PPARGC1A: variants seen among roughly 807,000 people sequenced by gnomAD.
PPARGC1A encodes the protein peroxisome proliferator-activated receptor gamma coactivator 1-alpha.
PPARGC1A carries 25 observed loss-of-function variants against 88.7 expected under a neutral mutation model. That is an observed-to-expected ratio of 0.28 (90% CI 0.21 to 0.39). The LOEUF is 0.39. Among genes scored for constraint, PPARGC1A ranks in the 10% least tolerant of loss-of-function variants. The probability of loss-of-function intolerance (pLI) is 1.00; values close to 1 mark genes in which losing one functional copy is unlikely to be tolerated. For missense variants in PPARGC1A, 880 were observed against 968.7 expected, an observed-to-expected ratio of 0.91 and a Z score of 1.22; for synonymous variants, 363 against 355.6, an observed-to-expected ratio of 1.02 and a Z score of -0.24.
At chr4:24,121,504 GAGA>G in the PPARGC1A span, among the ~76,000 whole-genome samples, 3 of 152,058 alleles carry the variant, frequency 2.0e-5, no homozygotes, top group Non-Finnish European at 4.4e-5. Flanking sequence ...CACTGAATGA[GAGA>G]AGCTGATCAA....
At chr4:23,965,109 T>C in the PPARGC1A span, among the ~76,000 whole-genome samples, 1 of 152,174 alleles carries the variant, frequency 6.6e-6, no homozygotes, top group Non-Finnish European at 1.5e-5. Context: ...CCCCCGTATC[T>C]GACCACTAAG....
At chr4:24,153,601 C>T in the PPARGC1A span, among the ~76,000 whole-genome samples, 2 of 152,086 alleles carry the variant, frequency 1.3e-5, no homozygotes, top group African/African-American at 2.4e-5. Flanking sequence ...ATTTTTCTGC[C>T]GTTTATTAAC....
the PPARGC1A span, among the ~76,000 whole-genome samples, chr4:24,051,357 A>T: frequency 2.0e-5 from 3 of 152,172 alleles, no homozygotes; most frequent in African/African-American, 4.8e-5. Flanking sequence ...AATGAAACAC[A>T]TTTTAAAAAA....
the PPARGC1A span, among the ~76,000 whole-genome samples, chr4:24,408,077 C>T: frequency 3.3e-3 from 498 of 152,238 alleles, 3 homozygotes; most frequent in African/African-American, 0.011. Flanking sequence ...CACACCACCA[C>T]CCACAAAGTG....
chr4:23,986,420 G>GT, the PPARGC1A span, among the ~76,000 whole-genome samples: 1 of 152,038 alleles, frequency 6.6e-6, no homozygotes, highest in African/African-American at 2.4e-5. Context: ...TCAGTTAAAA[G>GT]TAAGAGTTAA....
the PPARGC1A span, among the ~76,000 whole-genome samples, chr4:24,436,056 A>C: frequency 6.6e-6 from 1 of 152,200 alleles, no homozygotes; most frequent in Non-Finnish European, 1.5e-5. Context: ...GTCACTCCTC[A>C]ACCACTATTC....
chr4:24,155,592 C>A, the PPARGC1A span, among the ~76,000 whole-genome samples: 29 of 128,758 alleles, frequency 2.3e-4, no homozygotes, highest in African/African-American at 8.2e-4. Flanking sequence ...TACAACAAAA[C>A]CCTGTCAAAA....
At chr4:24,363,295 A>G in the PPARGC1A span, among the ~76,000 whole-genome samples, 1 of 152,208 alleles carries the variant, frequency 6.6e-6, no homozygotes, top group Non-Finnish European at 1.5e-5. Context: ...ATGTCGATCT[A>G]ACACTCATGT....
At chr4:24,187,306 A>T in the PPARGC1A span, among the ~76,000 whole-genome samples, 1 of 152,234 alleles carries the variant, frequency 6.6e-6, no homozygotes, top group Non-Finnish European at 1.5e-5. Flanking sequence ...TGAGGGGAGC[A>T]GTCTTTTTAT....
At chr4:24,117,867 T>C in the PPARGC1A span, among the ~76,000 whole-genome samples, 1 of 150,978 alleles carries the variant, frequency 6.6e-6, no homozygotes, top group Admixed American at 6.6e-5. Flanking sequence ...AAGCATTTCT[T>C]ATACAGTTCC....
At chr4:24,426,315 A>C in the PPARGC1A span, among the ~76,000 whole-genome samples, 1 of 152,238 alleles carries the variant, frequency 6.6e-6, no homozygotes, top group Non-Finnish European at 1.5e-5. Context: ...TTAAAGGGGA[A>C]GAAAAACAGG....
At chr4:24,401,015 C>CTTTTTTTTTTT in the PPARGC1A span, among the ~76,000 whole-genome samples, 11 of 99,822 alleles carry the variant, frequency 1.1e-4, no homozygotes, top group Admixed American at 1.4e-4. Flanking sequence ...CCTGAATTTT[C>CTTTTTTTTTTT]TTTTTTTTTT....
the PPARGC1A span, among the ~76,000 whole-genome samples, chr4:23,974,086 A>T: frequency 3.2e-4 from 49 of 152,312 alleles, no homozygotes; most frequent in South Asian, 9.3e-3. Context: ...GTAGCAGTAG[A>T]GAACGGGCCC....
chr4:23,993,727 A>C, the PPARGC1A span, among the ~76,000 whole-genome samples: 1 of 152,158 alleles, frequency 6.6e-6, no homozygotes, highest in Non-Finnish European at 1.5e-5. Context: ...CTACACTTAA[A>C]GGCTCTTGGG....
At chr4:24,072,083 C>T in the PPARGC1A span, among the ~76,000 whole-genome samples, 1 of 149,138 alleles carries the variant, frequency 6.7e-6, no homozygotes, top group Middle Eastern at 3.5e-3. Flanking sequence ...CCATTGTTTC[C>T]TAGTATTAGT....
the PPARGC1A span, among the ~76,000 whole-genome samples, chr4:24,471,608 A>T: frequency 1.3e-5 from 2 of 151,964 alleles, no homozygotes; most frequent in Non-Finnish European, 2.9e-5. This position sits in a 1 kb window ranked among gnomAD's most constrained non-coding sequence, Gnocchi z 5.4. Flanking sequence ...GCTGACATCC[A>T]TCTCCTTCCA....
At chr4:23,839,608 T>C (rs1362489334) in intron 2 of PPARGC1A, among the ~76,000 whole-genome samples, 1 of 152,132 alleles carries the variant, frequency 6.6e-6, no homozygotes, top group Non-Finnish European at 1.5e-5. Context: ...TTGCATAGTC[T>C]CGAATGAAAA....
the PPARGC1A span, among the ~76,000 whole-genome samples, chr4:23,952,485 G>C: frequency 6.6e-6 from 1 of 152,016 alleles, no homozygotes; most frequent in Non-Finnish European, 1.5e-5. Flanking sequence ...CATCTCTGTT[G>C]TTCTACAACT....
At chr4:24,470,430 C>A in the PPARGC1A span, among the ~76,000 whole-genome samples, 9 of 152,106 alleles carry the variant, frequency 5.9e-5, no homozygotes, top group African/African-American at 2.2e-4. The surrounding 1 kb of genome is among the most constrained non-coding windows in gnomAD (Gnocchi z 5.8). Flanking sequence ...TGCAAGGAAG[C>A]GTGGAGAGCA....
Sources: allele counts gnomAD v4.1 joint callset (sites outside exome capture counted in the v4.1 genomes callset), GRCh38; gene constraint gnomAD v4.1.1; non-coding constraint Gnocchi (gnomAD v3.1); transcripts MANE v1.5; gene names NCBI Gene and HGNC (gene_info 2026-07-23, HGNC 2026-07-21).